SLC49A3: variants seen among roughly 807,000 people sequenced by gnomAD.
The protein encoded by SLC49A3 is solute carrier family 49 member 3.
Under a neutral mutation model 43.8 loss-of-function variants are expected in SLC49A3, and 50 were observed. The ratio of observed to expected loss-of-function variants is 1.14; its 90% confidence interval spans 0.91 to 1.45. The LOEUF (loss-of-function observed/expected upper bound fraction) is 1.45, where lower values mean the gene tolerates loss of function less well. SLC49A3 is among the 40% of genes most tolerant of loss of function. SLC49A3 has a pLI of 0.00. For missense variants in SLC49A3, 906 were observed against 774.1 expected, an observed-to-expected ratio of 1.17 and a Z score of -2.02; for synonymous variants, 413 against 352.0, an observed-to-expected ratio of 1.17 and a Z score of -1.94.
At chr4:681,046 C>G (rs1739428432), downstream of SLC49A3, 1 of 1,562,418 alleles carries the variant, frequency 6.4e-7, no homozygotes, top group East Asian at 2.3e-5. Context: ...GAGAAGGCTC[C>G]TGCACCCCCG....
At chr4:680,662 G>GGA, downstream of SLC49A3, 1 of 1,488,412 alleles carries the variant, frequency 6.7e-7, no homozygotes, top group Non-Finnish European at 9.3e-7. Context: ...AAAAGGGACA[G>GGA]TCAGCCACCA....
rs765077537 is a variant in SLC49A3, at chr4:683,672, G to A, written c.930C>T (p.His310=). Residue 310 remains histidine, a synonymous_variant, in exon 7 of 10, where the codon CAC becomes CAT. Coordinates refer to ENST00000322224, the MANE Select transcript of SLC49A3 (RefSeq NM_032219.4). ...ALGPYVDRTK[H]FTEATKIGLC... is the part of the protein sequence containing the mutation. ...GGCCAATCTTGGTGGCCTCAGTGAAGTGCTTGGTCCGGTCCACATAGGGGC... is the reference window on the plus strand; with the variant it reads ...GGCCAATCTTGGTGGCCTCAGTGAAATGCTTGGTCCGGTCCACATAGGGGC... 6.2e-7 allele frequency: 1 copy of A among 1,611,076 alleles called. No individual in the cohort carries two copies. Among genetic ancestry groups the A allele is most frequent in the Admixed American group, 1.7e-5 (1 of 59,760 alleles).
At chr4:687,602 G>A (rs1346258688) in intron 1 of SLC49A3, among the ~76,000 whole-genome samples, 1 of 152,242 alleles carries the variant, frequency 6.6e-6, no homozygotes, top group African/African-American at 2.4e-5. Flanking sequence ...TTCCTCGGGG[G>A]CCTGAGTGGG....
chr4:678,810 T>G (rs1739125029), downstream of SLC49A3: 1 of 1,607,410 alleles, frequency 6.2e-7, no homozygotes, highest in African/African-American at 1.3e-5. Context: ...CCCAGGAGCC[T>G]GTGCTGGGAA....
At chr4:678,195 C>T (rs1343215345), downstream of SLC49A3, 14 of 1,522,846 alleles carry the variant, frequency 9.2e-6, no homozygotes, top group East Asian at 9.9e-5. Context: ...TGTGTATGTG[C>T]GTGTGTGTGA....
chr4:678,433 G>C, downstream of SLC49A3: 2 of 1,424,650 alleles, frequency 1.4e-6, no homozygotes, highest in Non-Finnish European at 1.8e-6. Context: ...GGAAGCCACT[G>C]TCCCTCCCCC....
rs1349113803 is a variant in SLC49A3, at chr4:681,865, C to T, written c.*93G>A. ...GCTTGTAATTCGCTCCCGGAGCCCG[C>T]AAGGAGCCCTTTCGCCCCCGCCCGC... On this transcript the variant is annotated 3_prime_UTR_variant, in exon 10 of 10. Transcript: ENST00000322224. The T allele has an allele frequency of 5.3e-6, 7 of 1,309,120 alleles. No individual in the cohort carries two copies. The highest frequency in any genetic ancestry group is 3.0e-5 in the African/African-American group (2 of 65,994). The allele number at this position is 1,309,120 out of a possible 1,614,324, so 81.1% of individuals were successfully genotyped here. A position where few individuals can be genotyped will look rare whatever the true frequency, so the allele number is the denominator to read the frequency against.
intron 9 of SLC49A3, 113 bp from the exon 10 acceptor site, chr4:682,489 G>C: frequency 8.8e-7 from 1 of 1,140,920 alleles, no homozygotes; most frequent in Non-Finnish European, 1.1e-6. Context: ...AGTGACCCCA[G>C]ACGGAGAGCC....
intron 1 of SLC49A3, among the ~76,000 whole-genome samples, chr4:688,693 AC>A (rs1341720253): frequency 6.6e-6 from 1 of 152,062 alleles, no homozygotes; most frequent in Non-Finnish European, 1.5e-5. Context: ...ACGCAGGGCC[AC>A]CTGTATGTGA....
chr4:683,684 G>A lies in SLC49A3; in HGVS notation c.918C>T (p.Asp306=), dbSNP rs573116524. The A allele has an allele frequency of 6.2e-5, 100 of 1,608,560 alleles. No homozygotes were observed. The South Asian group carries it at 9.7e-4, about 16-fold the overall frequency. The change falls in exon 7 of 10, where the codon GAC becomes GAT. Residue 306 remains aspartate, a synonymous_variant. Transcript: ENST00000322224. Reference sequence around the variant, plus strand: ...TGGCCTCAGTGAAGTGCTTGGTCCGGTCCACATAGGGGCCGAGAGCCAGTG... The same window carrying A: ...TGGCCTCAGTGAAGTGCTTGGTCCGATCCACATAGGGGCCGAGAGCCAGTG... The part of the protein sequence containing the change: ...LGALALGPYV[D]RTKHFTEATK...
At chr4:688,712 G>A (rs1741536225) in intron 1 of SLC49A3, among the ~76,000 whole-genome samples, 1 of 152,152 alleles carries the variant, frequency 6.6e-6, no homozygotes, top group South Asian at 2.1e-4. Context: ...TGACTGGCTG[G>A]GGAAGAGGGA....
chr4:684,706 C>T lies in SLC49A3; in HGVS notation c.723+13G>A, dbSNP rs1218249578. On this transcript the variant is annotated intron_variant, in intron 5 of 9. Transcript: ENST00000322224. ...CCAAATCCACCCTACCCCGGGGATCCCACGGCACTGACCAGCTTGAGCCCA... is the reference window on the plus strand; with the variant it reads ...CCAAATCCACCCTACCCCGGGGATCTCACGGCACTGACCAGCTTGAGCCCA... 1 of 1,609,342 alleles carries T rather than the reference C, an allele frequency of 6.2e-7. No homozygotes were observed. Among genetic ancestry groups the T allele is most frequent in the Admixed American group, 1.7e-5 (1 of 59,192 alleles).
In SLC49A3 at chr4:686,319, G is replaced by A. The variant is rs201136197; in HGVS notation, c.295-17C>T. 471 of 1,611,910 alleles carry A rather than the reference G, an allele frequency of 2.9e-4. No individual in the cohort carries two copies. The African/African-American group carries it at 3.9e-3, about 13-fold the overall frequency. On this transcript the variant is annotated splice_polypyrimidine_tract_variant and intron_variant, in intron 2 of 9. Coordinates refer to ENST00000322224, the MANE Select transcript of SLC49A3 (RefSeq NM_032219.4). ...CAGGATGGTCTGCGAGGAGGGGGTC[G>A]GGGACCGGGTCAGGAACGCTGCCAC...
At chr4:678,743 C>T (rs1487042650), downstream of SLC49A3, 1 of 1,611,490 alleles carries the variant, frequency 6.2e-7, no homozygotes, top group African/African-American at 1.3e-5. Flanking sequence ...TTTGAGCAGA[C>T]TCAGATCCAG....
chr4:682,497 G>T, intron 9 of SLC49A3, 121 bp from the exon 10 acceptor site: 2 of 1,086,692 alleles, frequency 1.8e-6, no homozygotes, highest in South Asian at 3.8e-5. Flanking sequence ...CAGACGGAGA[G>T]CCCACTCGCA....
downstream of SLC49A3, chr4:679,168 T>C (rs1008666637): frequency 2.3e-6 from 2 of 868,688 alleles, no homozygotes; most frequent in African/African-American, 1.7e-5. Flanking sequence ...GCCCTGAAGC[T>C]GCAAGGTGAT....
chr4:689,139 T>G lies in SLC49A3; in HGVS notation c.-12A>C. 1 of 1,347,662 alleles carries G rather than the reference T, an allele frequency of 7.4e-7. No homozygotes were observed. The highest frequency in any genetic ancestry group is 1.8e-5 in the South Asian group (1 of 54,292). 83.5% of individuals were successfully genotyped at this position (1,347,662 alleles called of 1,614,324 possible). On this transcript the variant is annotated 5_prime_UTR_variant, in exon 1 of 10. Transcript: ENST00000322224. The stretch of plus-strand genomic sequence containing the variant: ...GTCGGCCCCGCCATCGTCGGCGGCC[T>G]CCACGGGTCTCCGCCGGTCCCGCCG...
intron 9 of SLC49A3, 44 bp downstream of exon 9, chr4:682,737 G>C (rs1023279962): frequency 7.0e-7 from 1 of 1,438,296 alleles, no homozygotes; most frequent in Non-Finnish European, 9.4e-7. Context: ...TTCACATGGG[G>C]CTCACCTGTC....
downstream of SLC49A3, chr4:680,098 C>T (rs1433571791): frequency 1.2e-5 from 16 of 1,337,568 alleles, no homozygotes; most frequent in African/African-American, 2.9e-5. Flanking sequence ...GTAAAAATCT[C>T]TCTTTTCCAA....
Sources: gnomAD v4.1 joint callset for allele counts (sites outside exome capture counted in the v4.1 genomes callset) on GRCh38, gnomAD v4.1.1 for gene constraint, MANE v1.5 for transcripts, NCBI Gene and HGNC (gene_info 2026-07-23, HGNC 2026-07-21) for gene names.